The following TMIGD2 variants were observed in gnomAD, a reference collection of about 807,000 sequenced individuals.
TMIGD2 encodes transmembrane and immunoglobulin domain containing 2, also known as transmembrane and immunoglobulin domain-containing protein 2.
TMIGD2 carries 18 observed loss-of-function variants against 22.6 expected under a neutral mutation model. The observed-to-expected ratio is 0.80, with a 90% CI of 0.55 to 1.18. The LOEUF (loss-of-function observed/expected upper bound fraction) is 1.18. TMIGD2 is among the 50% of genes most tolerant of loss of function. The pLI, the probability that TMIGD2 is intolerant of heterozygous loss-of-function variation, is 0.00. For synonymous variants in TMIGD2, 184 were observed against 154.1 expected, an observed-to-expected ratio of 1.19 and a Z score of -1.44; for missense variants, 361 against 378.2, an observed-to-expected ratio of 0.95 and a Z score of 0.38.
At chr19:4,300,532 G>C (rs1971523229) in intron 1 of TMIGD2, among the ~76,000 whole-genome samples, 1 of 152,088 alleles carries the variant, frequency 6.6e-6, no homozygotes, top group East Asian at 1.9e-4. Flanking sequence ...ACTCCAGCCT[G>C]GCGACAGAGC....
At position 4,292,716 on chromosome 19, in the gene TMIGD2, CGGGCTGGGGCAGGGTCTT is replaced by C. The variant is rs751658386; in HGVS notation, c.714_731del (p.Cys247_Pro252del). 8.7e-6 allele frequency: 14 copies of C among 1,606,554 alleles called. No individual in the cohort carries two copies. The African/African-American group carries it at 1.7e-4, about 20-fold the overall frequency. ...CGGGCCTGGGGCTGGGGCAGGGTCT[CGGGCTGGGGCAGGGTCTT>C]GACGCCAGGTGCGGCTGGCGGGGGG... On this transcript the variant is annotated inframe_deletion, in exon 5 of 5. Coordinates refer to ENST00000301272, the Ensembl canonical transcript of TMIGD2.
chr19:4,302,326 G>GCCCAGATACTCAC lies in TMIGD2; in HGVS notation c.46+1_46+13dup, dbSNP rs1971547719. The GCCCAGATACTCAC allele has an allele frequency of 6.4e-7, 1 of 1,567,354 alleles. No individual in the cohort carries two copies. ...AGAGTGGGGTTCAGAGGGGAGGGAG[G>GCCCAGATACTCAC]CCCAGATACTCACCCCAGATCTGCA... On this transcript the variant is annotated intron_variant, in intron 1 of 4. Transcript: ENST00000301272.
At chr19:4,299,546 A>C (rs1971507832) in intron 1 of TMIGD2, among the ~76,000 whole-genome samples, 1 of 151,064 alleles carries the variant, frequency 6.6e-6, no homozygotes, top group Non-Finnish European at 1.5e-5. Context: ...TCTGTTGCCC[A>C]GTCTGGAGCG....
chr19:4,293,886 C>G (rs1193665979), intron 4 of TMIGD2, among the ~76,000 whole-genome samples: 6 of 151,930 alleles, frequency 3.9e-5, no homozygotes, highest in Non-Finnish European at 8.8e-5. Context: ...CTCAACCTCC[C>G]AAGCAGCTGG....
chr19:4,292,964 CTTT>C (rs11287595), intron 4 of TMIGD2, 79 bp from the exon 5 acceptor site: 84 of 1,382,326 alleles, frequency 6.1e-5, no homozygotes, highest in Middle Eastern at 1.9e-4. Flanking sequence ...GGATCTGTCT[CTTT>C]TTTTTTTTTT....
At chr19:4,298,446 A>C in intron 1 of TMIGD2, 101 bp from the exon 2 acceptor site, 1 of 1,444,642 alleles carries the variant, frequency 6.9e-7, no homozygotes, top group Non-Finnish European at 9.1e-7. Context: ...TTGAAACCTC[A>C]CTTGTCTAAG....
At chr19:4,293,721 C>A (rs777182959) in intron 4 of TMIGD2, among the ~76,000 whole-genome samples, 20 of 152,102 alleles carry the variant, frequency 1.3e-4, no homozygotes, top group Non-Finnish European at 1.8e-4. Flanking sequence ...CTCAGCCTCC[C>A]AAGTAGCTGG....
intron 2 of TMIGD2, among the ~76,000 whole-genome samples, chr19:4,296,186 T>A (rs966185952): frequency 2.0e-5 from 3 of 152,188 alleles, no homozygotes; most frequent in Non-Finnish European, 2.9e-5. Context: ...CCCAAAGTGC[T>A]GGGATATCAG....
At chr19:4,296,783 T>C (rs1971466492) in intron 2 of TMIGD2, among the ~76,000 whole-genome samples, 1 of 152,154 alleles carries the variant, frequency 6.6e-6, no homozygotes, top group Non-Finnish European at 1.5e-5. Context: ...AGCTGGGTGC[T>C]TCATTCTGCC....
exon 5 of TMIGD2, chr19:4,292,829 C>T: frequency 6.2e-7 from 1 of 1,613,846 alleles, no homozygotes; most frequent in Non-Finnish European, 8.5e-7. Flanking sequence ...GAGCAGTCCT[C>T]ACTCTTCTTT....
intron 1 of TMIGD2, among the ~76,000 whole-genome samples, chr19:4,299,737 A>G (rs1971510314): frequency 6.6e-6 from 1 of 151,532 alleles, no homozygotes; most frequent in African/African-American, 2.4e-5. Context: ...AAATACAAAA[A>G]TTAGCCAGTG....
At chr19:4,299,180 T>C (rs144443874) in intron 1 of TMIGD2, among the ~76,000 whole-genome samples, 1,681 of 152,202 alleles carry the variant, frequency 0.011, 13 homozygotes, top group Non-Finnish European at 0.017. Context: ...GGTCTGGCTC[T>C]ATAGTCCAGG....
exon 2 of TMIGD2, chr19:4,298,303 T>C (rs917102015): frequency 6.9e-6 from 11 of 1,602,968 alleles, no homozygotes; most frequent in Non-Finnish European, 8.5e-6. Flanking sequence ...CTGCAGCAAG[T>C]TGGGCCCCTG....
At chr19:4,297,851 T>C in intron 2 of TMIGD2, 135 bp downstream of exon 2, 3 of 1,219,400 alleles carry the variant, frequency 2.5e-6, no homozygotes. Context: ...AGCAAGACTC[T>C]GTCTCTTAAA....
intron 4 of TMIGD2, among the ~76,000 whole-genome samples, chr19:4,293,324 G>A (rs998201286): frequency 2.8e-5 from 4 of 144,068 alleles, no homozygotes; most frequent in Non-Finnish European, 6.0e-5. Context: ...GCAGCGGTGC[G>A]ATCTCAGCTC....
chr19:4,296,780 T>G (rs1386622815), intron 2 of TMIGD2, among the ~76,000 whole-genome samples: 2 of 152,126 alleles, frequency 1.3e-5, no homozygotes, highest in Non-Finnish European at 2.9e-5. Flanking sequence ...GAGAGCTGGG[T>G]GCTTCATTCT....
At chr19:4,294,203 T>C (rs1049756553) in intron 4 of TMIGD2, among the ~76,000 whole-genome samples, 1 of 151,636 alleles carries the variant, frequency 6.6e-6, no homozygotes, top group Non-Finnish European at 1.5e-5. Context: ...AAGTAGCTGG[T>C]ATTACAGGCG....
rs115656633 is a variant in TMIGD2 at position 4,296,199 on chromosome 19, G to A, written c.407-1383C>T. The stretch of plus-strand genomic sequence containing the variant: ...CTCCCAAAGTGCTGGGATATCAGGC[G>A]TGAGCCACTGCACTTGGATTATAGC... On this transcript the variant is annotated intron_variant, in intron 2 of 4. Transcript: ENST00000301272. 7.8e-3 allele frequency among the ~76,000 whole-genome samples: 1,183 copies of A among 152,224 alleles called. 20 individuals carry two copies. The highest frequency in any genetic ancestry group is 0.026 in the African/African-American group (1,086 of 41,530).
In TMIGD2 at chr19:4,292,865, C is replaced by T. The variant is rs150094874; in HGVS notation, c.583G>A (p.Val195Ile). ...GGGGCCCCCCGGGGCCGGTATAGGA[C>T]GTTGCTGTAGAATGCATTTCCTAGG... Residue 195 changes from valine (V) to isoleucine (I), a missense_variant, in exon 5 of 5, where the codon GTC becomes ATC. Val to Ile is a conservative substitution (Grantham distance 29). Coordinates refer to ENST00000301272, the Ensembl canonical transcript of TMIGD2. 65 of 1,613,706 alleles carry T rather than the reference C, an allele frequency of 4.0e-5. No homozygotes were observed. Among genetic ancestry groups the T allele is most frequent in the Middle Eastern group, 1.6e-4 (1 of 6,084 alleles).
Sources: allele counts gnomAD v4.1 joint callset (sites outside exome capture counted in the v4.1 genomes callset), GRCh38; gene constraint gnomAD v4.1.1; transcripts MANE v1.5; gene names NCBI Gene and HGNC (gene_info 2026-07-23, HGNC 2026-07-21).